Variants in ITFG1 observed in about 807,000 individuals in gnomAD.
ITFG1 encodes T-cell immunomodulatory protein.
In ITFG1, 34 loss-of-function variants were observed where a neutral mutation model predicts 81.8. The ratio of observed to expected loss-of-function variants is 0.42; its 90% CI spans 0.32 to 0.55. ITFG1 has a LOEUF of 0.55. ITFG1 is among the 20% of genes least tolerant of loss of function. ITFG1 has a pLI of 0.17. For synonymous variants in ITFG1, 285 were observed against 270.6 expected, an observed-to-expected ratio of 1.05 and a Z score of -0.52; for missense variants, 672 against 755.4, an observed-to-expected ratio of 0.89 and a Z score of 1.29.
intron 11 of ITFG1, among the ~76,000 whole-genome samples, chr16:47,259,424 T>C (rs1438140138): frequency 6.6e-6 from 1 of 152,198 alleles, no homozygotes; most frequent in Non-Finnish European, 1.5e-5. Flanking sequence ...AATGGATTTG[T>C]AGTCAATTCT....
intron 6 of ITFG1, 123 bp from the exon 7 acceptor site, chr16:47,376,063 T>C: frequency 1.8e-6 from 1 of 557,018 alleles, no homozygotes; most frequent in Non-Finnish European, 3.2e-6. Context: ...ATATTTTAAA[T>C]TATATTTTAA....
chr16:47,165,942 ACT>A (rs1964883380), intron 14 of ITFG1, among the ~76,000 whole-genome samples: 2 of 152,012 alleles, frequency 1.3e-5, no homozygotes, highest in African/African-American at 4.8e-5. Context: ...CAAAAATAAA[ACT>A]CTAACTGATG....
rs1306625036 is a variant in ITFG1, at chr16:47,223,445, C to A, written c.1375-4499G>T. 3.9e-5 allele frequency among the ~76,000 whole-genome samples: 6 copies of A among 152,152 alleles called. No homozygotes were observed. The South Asian group carries it at 8.3e-4, about 21-fold the overall frequency. On this transcript the variant is annotated intron_variant, in intron 13 of 17. Transcript: ENST00000320640. The stretch of plus-strand genomic sequence containing the variant: ...TTCTCAAAAGAAGACATTTATGCAG[C>A]CAAAAAACACATGGAAAAATGCTCA...
chr16:47,454,388 T>C, intron 2 of ITFG1, among the ~76,000 whole-genome samples: 1 of 152,146 alleles, frequency 6.6e-6, no homozygotes, highest in East Asian at 1.9e-4. Flanking sequence ...AAATCTGAAA[T>C]ATGTCGAGAG....
At chr16:47,282,411 C>A (rs867725829) in intron 10 of ITFG1, among the ~76,000 whole-genome samples, 1 of 151,904 alleles carries the variant, frequency 6.6e-6, no homozygotes, top group South Asian at 2.1e-4. Context: ...GCAAAAGACA[C>A]GATTTCATTC....
intron 10 of ITFG1, among the ~76,000 whole-genome samples, chr16:47,265,264 T>C (rs1394068002): frequency 6.6e-6 from 1 of 151,956 alleles, no homozygotes; most frequent in African/African-American, 2.4e-5. Flanking sequence ...TATTTTTCTT[T>C]ATAGCAGTAT....
intron 6 of ITFG1, among the ~76,000 whole-genome samples, chr16:47,418,995 T>G (rs2151605747): frequency 6.6e-6 from 1 of 152,338 alleles, no homozygotes; most frequent in African/African-American, 2.4e-5. Flanking sequence ...TATGGTCATA[T>G]AATGATAATA....
At chr16:47,266,014 A>G (rs1966270937) in intron 10 of ITFG1, among the ~76,000 whole-genome samples, 1 of 152,236 alleles carries the variant, frequency 6.6e-6, no homozygotes, top group Non-Finnish European at 1.5e-5. Flanking sequence ...TCACAATTTA[A>G]TAACAAAAGA....
intron 10 of ITFG1, among the ~76,000 whole-genome samples, chr16:47,298,391 A>T (rs538423639): frequency 6.6e-6 from 1 of 152,270 alleles, no homozygotes; most frequent in East Asian, 1.9e-4. Context: ...GCTATTAAAT[A>T]CTTCAGCATT....
At chr16:47,460,111 G>C (rs1477566898) in intron 1 of ITFG1, among the ~76,000 whole-genome samples, 3 of 152,232 alleles carry the variant, frequency 2.0e-5, no homozygotes, top group African/African-American at 7.2e-5. Context: ...GAACAAGTTA[G>C]CAAAGAAAGT....
chr16:47,203,676 A>C (rs958418221), intron 14 of ITFG1, among the ~76,000 whole-genome samples: 2 of 152,174 alleles, frequency 1.3e-5, no homozygotes, highest in Non-Finnish European at 2.9e-5. Flanking sequence ...TCAGGCTATA[A>C]TGTGATTGAT....
intron 16 of ITFG1, among the ~76,000 whole-genome samples, chr16:47,159,459 C>T (rs1964766433): frequency 6.6e-6 from 1 of 152,124 alleles, no homozygotes; most frequent in Admixed American, 6.5e-5. Context: ...CCAAGTAAAA[C>T]ATAAATGTTG....
chr16:47,301,781 T>C (rs1022210310), intron 10 of ITFG1, among the ~76,000 whole-genome samples: 5 of 152,194 alleles, frequency 3.3e-5, no homozygotes, highest in Non-Finnish European at 5.9e-5. Context: ...GAATCAATTA[T>C]AAAACGATTT....
chr16:47,219,800 T>C (rs1965669300), intron 13 of ITFG1, among the ~76,000 whole-genome samples: 1 of 152,194 alleles, frequency 6.6e-6, no homozygotes, highest in Non-Finnish European at 1.5e-5. Flanking sequence ...GCCTGACTGA[T>C]ATTTTAAGAT....
At chr16:47,194,411 A>G (rs1596799626) in intron 14 of ITFG1, among the ~76,000 whole-genome samples, 2 of 152,206 alleles carry the variant, frequency 1.3e-5, no homozygotes, top group East Asian at 3.9e-4. Flanking sequence ...CCAGCAAACA[A>G]GGTCAAGGGT....
chr16:47,352,288 A>T (rs1967971013), intron 8 of ITFG1, among the ~76,000 whole-genome samples: 2 of 152,206 alleles, frequency 1.3e-5, no homozygotes, highest in Non-Finnish European at 2.9e-5. Flanking sequence ...AGAATGGGAG[A>T]AAAGTTTTGC....
At chr16:47,221,978 T>C (rs1431861830) in intron 13 of ITFG1, among the ~76,000 whole-genome samples, 3 of 152,122 alleles carry the variant, frequency 2.0e-5, no homozygotes, top group East Asian at 1.9e-4. Flanking sequence ...TCTCTCTTTT[T>C]TTCTTTATTA....
chr16:47,453,765 G>A (rs1969417246), intron 3 of ITFG1, among the ~76,000 whole-genome samples: 1 of 152,156 alleles, frequency 6.6e-6, no homozygotes, highest in Admixed American at 6.5e-5. Flanking sequence ...CAATGATTCT[G>A]TGAGCCACTA....
chr16:47,369,375 T>C (rs1167222483), intron 7 of ITFG1, among the ~76,000 whole-genome samples: 1 of 152,198 alleles, frequency 6.6e-6, no homozygotes, highest in Non-Finnish European at 1.5e-5. Flanking sequence ...AGTTCTTCAG[T>C]TGTTAGAAGG....
Sources: allele counts gnomAD v4.1 joint callset (sites outside exome capture counted in the v4.1 genomes callset), GRCh38; gene constraint gnomAD v4.1.1; transcripts MANE v1.5; gene names NCBI Gene and HGNC (gene_info 2026-07-23, HGNC 2026-07-21).